The following NKAIN2 variants were observed in gnomAD, a reference collection of about 807,000 sequenced individuals.
The protein encoded by NKAIN2 is sodium/potassium transporting ATPase interacting 2, also known as sodium/potassium-transporting ATPase subunit beta-1-interacting protein 2.
A neutral mutation model predicts 32.6 loss-of-function variants in NKAIN2; 14 were observed. The ratio of observed to expected loss-of-function variants is 0.43; its 90% CI spans 0.28 to 0.67. NKAIN2 has a LOEUF of 0.67. NKAIN2 is among the 30% of genes least tolerant of loss of function. The probability of loss-of-function intolerance (pLI) is 0.17; values close to 1 mark genes in which losing one functional copy is unlikely to be tolerated. For missense variants in NKAIN2, 198 were observed against 258.3 expected (o/e 0.77, Z 1.60); for synonymous variants, 80 against 87.2 (o/e 0.92, Z 0.46).
rs1562232371 is a variant in NKAIN2 at position 124,515,708 on chromosome 6, T to TTTTTCCCTTCTTTCTTTG, written c.274-142476_274-142475insTTCCCTTCTTTCTTTGTT. Among the ~76,000 whole-genome samples the TTTTTCCCTTCTTTCTTTG allele has an allele frequency of 5.8e-3, 20 of 3,448 alleles. 2 individuals are homozygous for TTTTTCCCTTCTTTCTTTG. The highest frequency in any genetic ancestry group is 0.011 in the Non-Finnish European group (1 of 88). The allele number at this position is 3,448 out of a possible 152,430, so 2.3% of individuals were successfully genotyped here. On this transcript the variant is annotated intron_variant, in intron 3 of 6. Transcript: ENST00000368417. Reference sequence around the variant, plus strand: ...ACTTCCCTACTTCATTTTTCTTCGCTTTCTCTCCGTCTCGCTCTGTCGCCC... The same window carrying TTTTTCCCTTCTTTCTTTG: ...ACTTCCCTACTTCATTTTTCTTCGCTTTTTCCCTTCTTTCTTTGTTCTCTCCGTCTCGCTCTGTCGCCC...
At chr6:124,353,885 C>T (rs1293733284) in intron 2 of NKAIN2, among the ~76,000 whole-genome samples, 1 of 152,132 alleles carries the variant, frequency 6.6e-6, no homozygotes, top group Non-Finnish European at 1.5e-5. Flanking sequence ...TAACAAGGTG[C>T]AAGATCATGA....
Position 124,515,710 on chromosome 6 carries a change from TC to T in NKAIN2, c.274-142475del, listed in dbSNP as rs1778885727. On this transcript the variant is annotated intron_variant, in intron 3 of 6. Coordinates refer to ENST00000368417, the MANE Select transcript of NKAIN2 (RefSeq NM_001040214.3). ...TTCCCTACTTCATTTTTCTTCGCTTTCTCTCCGTCTCGCTCTGTCGCCCAGG... is the reference window on the plus strand; with the variant it reads ...TTCCCTACTTCATTTTTCTTCGCTTTTCTCCGTCTCGCTCTGTCGCCCAGG... Among the ~76,000 whole-genome samples the T allele has an allele frequency of 0.031, 111 of 3,568 alleles. 55 individuals are homozygous for T. The East Asian group carries it at 0.57, about 18-fold the overall frequency. 2.3% of individuals were successfully genotyped at this position (3,568 alleles called of 152,430 possible). A position where few individuals can be genotyped will look rare whatever the true frequency, so the allele number is the denominator to read the frequency against.
chr6:124,799,398 C>A (rs1780154301), intron 5 of NKAIN2, among the ~76,000 whole-genome samples: 2 of 152,262 alleles, frequency 1.3e-5, no homozygotes, highest in East Asian at 3.9e-4. Context: ...CTTCAACATT[C>A]ACTTCTTATT....
chr6:124,514,814 A>G (rs1778844121), intron 3 of NKAIN2, among the ~76,000 whole-genome samples: 1 of 151,562 alleles, frequency 6.6e-6, no homozygotes, highest in Non-Finnish European at 1.5e-5. Flanking sequence ...CGGAATTCTC[A>G]TTTAACTAGT....
chr6:124,654,214 G>A (rs770588554), intron 3 of NKAIN2, among the ~76,000 whole-genome samples: 1 of 152,002 alleles, frequency 6.6e-6, no homozygotes, highest in African/African-American at 2.4e-5. Context: ...TTTCAATAGG[G>A]TACTATGAAA....
At chr6:124,253,083 T>C (rs1239962280) in intron 1 of NKAIN2, among the ~76,000 whole-genome samples, 4 of 152,114 alleles carry the variant, frequency 2.6e-5, no homozygotes, top group Non-Finnish European at 5.9e-5. Context: ...TAGAATGACA[T>C]GGCGGAGAAT....
chr6:124,370,368 G>A (rs1251101524), intron 3 of NKAIN2, among the ~76,000 whole-genome samples: 1 of 151,954 alleles, frequency 6.6e-6, no homozygotes, highest in South Asian at 2.1e-4. Context: ...TATACAGCCT[G>A]ATGCAATCAG....
intron 3 of NKAIN2, among the ~76,000 whole-genome samples, chr6:124,435,738 A>C (rs1458601759): frequency 6.6e-6 from 1 of 152,168 alleles, no homozygotes; most frequent in Non-Finnish European, 1.5e-5. Flanking sequence ...AACTTATGCC[A>C]CTGAGATCAA....
chr6:124,139,381 C>T (rs1447285079), intron 1 of NKAIN2, among the ~76,000 whole-genome samples: 1 of 151,810 alleles, frequency 6.6e-6, no homozygotes, highest in African/African-American at 2.4e-5. Context: ...AGCCACCGCG[C>T]CCGGCCTAAA....
chr6:124,386,868 A>C (rs1016204814), intron 3 of NKAIN2, among the ~76,000 whole-genome samples: 9 of 152,222 alleles, frequency 5.9e-5, no homozygotes, highest in Non-Finnish European at 1.2e-4. Flanking sequence ...GTCCCCCTAA[A>C]CCTTTTGTAA....
intron 3 of NKAIN2, among the ~76,000 whole-genome samples, chr6:124,572,971 C>T (rs1017659309): frequency 6.6e-6 from 1 of 152,066 alleles, no homozygotes; most frequent in Non-Finnish European, 1.5e-5. Flanking sequence ...TCCCAAGTAG[C>T]TGGGATTACA....
rs76696004 is a variant in NKAIN2, at chr6:124,421,698, G to A, written c.273+66351G>A. Reference sequence around the variant, plus strand: ...GAGTTCACAATAAGGGTAGCAAATGGTGGGAAAGTGACTAGGAAGCATATG... The same window carrying A: ...GAGTTCACAATAAGGGTAGCAAATGATGGGAAAGTGACTAGGAAGCATATG... On this transcript the variant is annotated intron_variant, in intron 3 of 6. Transcript: ENST00000368417. Among the ~76,000 whole-genome samples, 151 of 152,236 alleles carry A rather than the reference G, an allele frequency of 9.9e-4. No homozygotes were observed. In the Middle Eastern group the frequency reaches 0.01, roughly 10 times the overall value.
chr6:124,454,098 T>G (rs1020177290), intron 3 of NKAIN2, among the ~76,000 whole-genome samples: 210 of 22,120 alleles, frequency 9.5e-3, no homozygotes, highest in African/African-American at 0.011. Flanking sequence ...TATGTTGGGT[T>G]TTTTTTTTGG....
intron 1 of NKAIN2, among the ~76,000 whole-genome samples, chr6:124,081,144 T>A (rs957295076): frequency 2.6e-5 from 4 of 152,090 alleles, no homozygotes; most frequent in African/African-American, 4.8e-5. Flanking sequence ...TACTTGGAAC[T>A]TTTAAAGATT....
chr6:124,792,694 A>G (rs1779801011), intron 5 of NKAIN2, among the ~76,000 whole-genome samples: 1 of 152,162 alleles, frequency 6.6e-6, no homozygotes, highest in South Asian at 2.1e-4. Context: ...TAGAAAGATG[A>G]ATAGATCTTT....
chr6:124,354,471 A>G (rs551046765), intron 2 of NKAIN2, among the ~76,000 whole-genome samples: 1 of 152,178 alleles, frequency 6.6e-6, no homozygotes, highest in Non-Finnish European at 1.5e-5. Context: ...CACTAGTTAG[A>G]TGGTCACTGT....
chr6:124,563,778 C>G (rs952137759), intron 3 of NKAIN2, among the ~76,000 whole-genome samples: 4 of 152,150 alleles, frequency 2.6e-5, no homozygotes, highest in African/African-American at 9.7e-5. Context: ...ATTCTGGATT[C>G]TCGCGCCTCA....
At chr6:124,063,781 G>C (rs1484464320) in intron 1 of NKAIN2, among the ~76,000 whole-genome samples, 1 of 151,990 alleles carries the variant, frequency 6.6e-6, no homozygotes, top group Non-Finnish European at 1.5e-5. Context: ...ATTGCTCCTA[G>C]AAGTAGCACA....
At chr6:124,596,481 T>G (rs1782092032) in intron 3 of NKAIN2, among the ~76,000 whole-genome samples, 1 of 152,180 alleles carries the variant, frequency 6.6e-6, no homozygotes, top group Admixed American at 6.5e-5. Flanking sequence ...AGCAGCAGAA[T>G]AGCTTGAGAT....
Sources: allele counts gnomAD v4.1 joint callset (sites outside exome capture counted in the v4.1 genomes callset), GRCh38; gene constraint gnomAD v4.1.1; transcripts MANE v1.5; gene names NCBI Gene and HGNC (gene_info 2026-07-23, HGNC 2026-07-21).